PPP1R14C: variants seen among roughly 807,000 people sequenced by gnomAD.
PPP1R14C encodes the protein protein phosphatase 1 regulatory inhibitor subunit 14C, also known as protein phosphatase 1 regulatory subunit 14C.
A neutral mutation model predicts 20.4 loss-of-function variants in PPP1R14C; 16 were observed. The ratio of observed to expected loss-of-function variants is 0.78; its 90% CI spans 0.53 to 1.19. PPP1R14C has a LOEUF of 1.19. Ranked by LOEUF, PPP1R14C falls within the 50% of genes most tolerant of loss-of-function variation. The pLI, the probability that PPP1R14C is intolerant of heterozygous loss-of-function variation, is 0.00. For missense variants in PPP1R14C, 211 were observed against 220.1 expected (o/e 0.96, Z 0.26); for synonymous variants, 91 against 91.0 (o/e 1.00, Z 0.00).
At chr6:150,245,943 G>A (rs897739877) in intron 3 of PPP1R14C, among the ~76,000 whole-genome samples, 5 of 152,112 alleles carry the variant, frequency 3.3e-5, no homozygotes, top group Admixed American at 2.0e-4. Flanking sequence ...ACAACATAGT[G>A]TATTAAGATA....
intron 3 of PPP1R14C, among the ~76,000 whole-genome samples, chr6:150,232,461 T>C (rs1276948697): frequency 6.6e-6 from 1 of 152,250 alleles, no homozygotes; most frequent in African/African-American, 2.4e-5. Flanking sequence ...TGGCTTGTGC[T>C]TTTTAAAAAA....
intron 3 of PPP1R14C, among the ~76,000 whole-genome samples, chr6:150,222,109 A>T (rs1234046864): frequency 6.6e-6 from 1 of 152,150 alleles, no homozygotes; most frequent in Non-Finnish European, 1.5e-5. Context: ...CACAATGATA[A>T]TTTTAGTGGT....
chr6:150,165,264 A>G (rs1777410938), intron 1 of PPP1R14C, among the ~76,000 whole-genome samples: 1 of 152,250 alleles, frequency 6.6e-6, no homozygotes. Context: ...AATATTCAAT[A>G]AATATCAGCT....
chr6:150,246,395 A>G (rs1006084161), intron 3 of PPP1R14C, among the ~76,000 whole-genome samples: 3 of 152,178 alleles, frequency 2.0e-5, no homozygotes, highest in African/African-American at 7.2e-5. Flanking sequence ...TTGAAACTGT[A>G]TGTGCAGAAT....
Position 150,248,933 on chromosome 6 carries a change from T to C in PPP1R14C, c.*113T>C, listed in dbSNP as rs1038425571. ...CCTTATGAACAACGTTTTTGTTTTT[T>C]TTTTTTTCTTTTTTGGTGTGAAGGT... On this transcript the variant is annotated 3_prime_UTR_variant, in exon 4 of 4. Coordinates refer to ENST00000361131, the MANE Select transcript of PPP1R14C (RefSeq NM_030949.3). 6 of 574,468 alleles carry C rather than the reference T, an allele frequency of 1.0e-5. No homozygotes were observed. Among genetic ancestry groups the C allele is most frequent in the Non-Finnish European group, 1.8e-5 (6 of 341,744 alleles). 35.6% of individuals were successfully genotyped at this position (574,468 alleles called of 1,614,324 possible).
At position 150,248,763 on chromosome 6, in the gene PPP1R14C, G is replaced by A. The variant is rs1001423279; in HGVS notation, c.441G>A (p.Leu147=). 2 of 1,611,790 alleles carry A rather than the reference G, an allele frequency of 1.2e-6. No homozygotes were observed. Among genetic ancestry groups the A allele is most frequent in the African/African-American group, 1.3e-5 (1 of 74,856 alleles). Residue 147 remains leucine (L), a synonymous_variant, in exon 4 of 4, where the codon CTG becomes CTA. Transcript: ENST00000361131. ...TCTTTTAGGAATTTATCAAAGAGCT[G>A]CTTTCTCGGATAAGAGGCATGAGGA... ...YKPTEEFIKE[L]LSRIRGMRKL...
At position 150,145,149 on chromosome 6, in the gene PPP1R14C, T is replaced by A. The variant is rs944304485; in HGVS notation, c.306+1651T>A. Among the ~76,000 whole-genome samples the A allele has an allele frequency of 2.6e-5, 4 of 152,236 alleles. No individual in the cohort carries two copies. The East Asian group carries it at 7.7e-4, about 29-fold the overall frequency. ...AAAGAGCTCTACCCACTGAGTAGCC[T>A]GATAAACAATATATTTAAAAAATAC... On this transcript the variant is annotated intron_variant, in intron 1 of 3. Coordinates refer to ENST00000361131, the MANE Select transcript of PPP1R14C (RefSeq NM_030949.3).
At chr6:150,168,850 A>C (rs1282658259) in intron 1 of PPP1R14C, among the ~76,000 whole-genome samples, 1 of 152,228 alleles carries the variant, frequency 6.6e-6, no homozygotes, top group Non-Finnish European at 1.5e-5. Flanking sequence ...TGTATCAAAA[A>C]TATTATCATT....
Position 150,205,791 on chromosome 6 carries a change from C to CA in PPP1R14C, c.307-8938dup, listed in dbSNP as rs61626886. 6.0e-3 allele frequency among the ~76,000 whole-genome samples: 709 copies of CA among 118,854 alleles called. 1 individual carries two copies. Among genetic ancestry groups the CA allele is most frequent in the South Asian group, 9.4e-3 (34 of 3,624 alleles). 78.0% of individuals were successfully genotyped at this position (118,854 alleles called of 152,430 possible). A position where few individuals can be genotyped will look rare whatever the true frequency, so the allele number is the denominator to read the frequency against. On this transcript the variant is annotated intron_variant, in intron 1 of 3. Transcript: ENST00000361131. ...TGGGCGACAGAATGAGCCTCCGTCT[C>CA]AAAAAAAAAAAAAAATAATGGAAAT... is the stretch of plus-strand genomic sequence containing the variant.
chr6:150,215,174 C>A (rs1778074512), intron 2 of PPP1R14C, among the ~76,000 whole-genome samples: 1 of 152,212 alleles, frequency 6.6e-6, no homozygotes, highest in South Asian at 2.1e-4. Context: ...AGGGACTGAG[C>A]TAGCACTGGA....
intron 3 of PPP1R14C, among the ~76,000 whole-genome samples, chr6:150,219,278 G>C (rs751181364): frequency 2.6e-5 from 4 of 151,936 alleles, no homozygotes; most frequent in Non-Finnish European, 4.4e-5. Context: ...ACCTAGGCTG[G>C]AGTGCAGTGG....
intron 1 of PPP1R14C, among the ~76,000 whole-genome samples, chr6:150,163,941 C>G (rs1318217150): frequency 3.9e-5 from 6 of 152,140 alleles, no homozygotes; most frequent in Non-Finnish European, 8.8e-5. Flanking sequence ...TTCAGCATTG[C>G]TAGGTACTGT....
intron 3 of PPP1R14C, among the ~76,000 whole-genome samples, chr6:150,247,913 A>G (rs1270862849): frequency 6.6e-6 from 1 of 152,174 alleles, no homozygotes; most frequent in African/African-American, 2.4e-5. Flanking sequence ...TGTTGCTGTA[A>G]GAGAATATCA....
Position 150,249,161 on chromosome 6 carries a change from A to G in PPP1R14C, c.*341A>G, listed in dbSNP as rs1778531509. On this transcript the variant is annotated 3_prime_UTR_variant, in exon 4 of 4. Coordinates refer to ENST00000361131, the MANE Select transcript of PPP1R14C (RefSeq NM_030949.3). ...TCAGATGTTCAGTACCTTATGATAC[A>G]GGGAAGATAGTTTTCTTACAAGTAG... 2 of 399,978 alleles carry G rather than the reference A, an allele frequency of 5.0e-6. No homozygotes were observed. Among genetic ancestry groups the G allele is most frequent in the South Asian group, 1.4e-4 (1 of 7,176 alleles). The allele number at this position is 399,978 out of a possible 1,614,324, so 24.8% of individuals were successfully genotyped here.
intron 3 of PPP1R14C, among the ~76,000 whole-genome samples, chr6:150,240,110 G>A (rs568329327): frequency 2.2e-4 from 34 of 151,964 alleles, no homozygotes; most frequent in Non-Finnish European, 4.6e-4. Flanking sequence ...AACAAAAGCC[G>A]ATTCTTTGAA....
At chr6:150,207,009 C>G (rs144853917) in intron 1 of PPP1R14C, among the ~76,000 whole-genome samples, 41 of 152,026 alleles carry the variant, frequency 2.7e-4, no homozygotes, top group Non-Finnish European at 5.1e-4. Context: ...GGATTACAGG[C>G]ACATGCCACT....
At chr6:150,216,599 T>A (rs1390798769) in intron 2 of PPP1R14C, among the ~76,000 whole-genome samples, 2 of 152,218 alleles carry the variant, frequency 1.3e-5, no homozygotes, top group Non-Finnish European at 2.9e-5. Context: ...AAAAAACTTC[T>A]ATGTAGCACA....
chr6:150,160,604 T>C (rs1777356374), intron 1 of PPP1R14C, among the ~76,000 whole-genome samples: 2 of 152,082 alleles, frequency 1.3e-5, no homozygotes, highest in Admixed American at 1.3e-4. Context: ...AGTTATGTTC[T>C]GCCTCATTGT....
chr6:150,205,773 C>G (rs1009841742), intron 1 of PPP1R14C, among the ~76,000 whole-genome samples: 22 of 138,614 alleles, frequency 1.6e-4, no homozygotes, highest in Non-Finnish European at 2.6e-4. Context: ...TCCTGGGCGA[C>G]AGAATGAGCC....
Sources: gnomAD v4.1 joint callset for allele counts (sites outside exome capture counted in the v4.1 genomes callset) on GRCh38, gnomAD v4.1.1 for gene constraint, MANE v1.5 for transcripts, NCBI Gene and HGNC (gene_info 2026-07-23, HGNC 2026-07-21) for gene names.